FAF1: variants seen among roughly 807,000 people sequenced by gnomAD.
FAF1 encodes Fas associated factor 1, also known as FAS-associated factor 1.
A neutral mutation model predicts 92.5 loss-of-function variants in FAF1; 25 were observed. The ratio of observed to expected loss-of-function variants is 0.27; its 90% confidence interval spans 0.20 to 0.38. FAF1 has a LOEUF of 0.38. Among genes scored for constraint, FAF1 ranks in the 10% least tolerant of loss-of-function variants. FAF1 has a pLI of 1.00. For synonymous variants in FAF1, 234 were observed against 273.2 expected (o/e 0.86, Z 1.42); for missense variants, 636 against 793.3 (o/e 0.80, Z 2.38).
At chr1:50,905,043 C>A (rs563935388) in intron 1 of FAF1, among the ~76,000 whole-genome samples, 3 of 152,132 alleles carry the variant, frequency 2.0e-5, no homozygotes, top group Non-Finnish European at 2.9e-5. Context: ...ACCAGCCCCC[C>A]ACCCCACAAC....
chr1:50,553,192 G>A (rs954990076), intron 13 of FAF1, among the ~76,000 whole-genome samples: 4 of 152,196 alleles, frequency 2.6e-5, no homozygotes, highest in African/African-American at 9.6e-5. Context: ...TTTAAGACCA[G>A]TGATACTTGA....
chr1:50,771,901 C>T (rs965785908), intron 4 of FAF1, among the ~76,000 whole-genome samples: 6 of 151,850 alleles, frequency 4.0e-5, no homozygotes, highest in East Asian at 1.9e-4. Flanking sequence ...AACTCCGTCT[C>T]CAAAAAACAA....
At chr1:50,862,411 T>C (rs546723214) in intron 1 of FAF1, among the ~76,000 whole-genome samples, 1 of 151,944 alleles carries the variant, frequency 6.6e-6, no homozygotes, top group East Asian at 1.9e-4. Context: ...AAAATGATGG[T>C]AACGAGCAAC....
At chr1:50,563,955 A>G (rs1414347154) in intron 13 of FAF1, among the ~76,000 whole-genome samples, 1 of 152,190 alleles carries the variant, frequency 6.6e-6, no homozygotes, top group Middle Eastern at 3.2e-3. Context: ...ATTCTATAGA[A>G]ATGTTTCTTT....
intron 4 of FAF1, among the ~76,000 whole-genome samples, chr1:50,760,623 T>C (rs1660286568): frequency 6.6e-6 from 1 of 152,112 alleles, no homozygotes; most frequent in Non-Finnish European, 1.5e-5. Flanking sequence ...GAAATAAAGA[T>C]GTTGTTTGAA....
chr1:50,855,474 C>T (rs904088573), intron 2 of FAF1, among the ~76,000 whole-genome samples: 1 of 151,654 alleles, frequency 6.6e-6, no homozygotes, highest in South Asian at 2.1e-4. Context: ...CAGACATATC[C>T]GAGGTTACAA....
chr1:50,788,792 G>A (rs1661460841), intron 3 of FAF1, among the ~76,000 whole-genome samples: 2 of 152,064 alleles, frequency 1.3e-5, no homozygotes, highest in South Asian at 2.1e-4. Flanking sequence ...AAAATAGAGG[G>A]GATATCATTT....
chr1:50,509,515 G>C (rs563614969), intron 15 of FAF1, among the ~76,000 whole-genome samples: 2 of 152,292 alleles, frequency 1.3e-5, no homozygotes, highest in African/African-American at 2.4e-5. Flanking sequence ...GGGTGGCTGA[G>C]GTGGGAGGAT....
At chr1:50,578,594 C>T (rs1401555969) in intron 12 of FAF1, among the ~76,000 whole-genome samples, 1 of 152,128 alleles carries the variant, frequency 6.6e-6, no homozygotes, top group Admixed American at 6.6e-5. Context: ...TACTTACTAT[C>T]AGTGTGTTGT....
At chr1:50,637,679 A>ATGTGTGTGTGTG (rs764058700) in intron 8 of FAF1, among the ~76,000 whole-genome samples, 2,651 of 101,610 alleles carry the variant, frequency 0.026, 34 homozygotes, top group East Asian at 0.053. Flanking sequence ...ACACATATAT[A>ATGTGTGTGTGTG]TATGTGTGTG....
intron 2 of FAF1, among the ~76,000 whole-genome samples, chr1:50,830,658 AT>A (rs59396661): frequency 0.041 from 5,939 of 143,698 alleles, 256 homozygotes; most frequent in African/African-American, 0.11. Flanking sequence ...CCAGTGCTCA[AT>A]TTTTTTTTTT....
At chr1:50,652,421 G>A (rs1372356525) in intron 8 of FAF1, among the ~76,000 whole-genome samples, 2 of 152,106 alleles carry the variant, frequency 1.3e-5, no homozygotes, top group African/African-American at 2.4e-5. Context: ...ATATTTCATC[G>A]ACTTTGCCTA....
At chr1:50,808,742 G>C (rs182425354) in intron 2 of FAF1, among the ~76,000 whole-genome samples, 2 of 151,246 alleles carry the variant, frequency 1.3e-5, no homozygotes. Flanking sequence ...GATCTCATTA[G>C]TTTCAAAGAA....
intron 12 of FAF1, among the ~76,000 whole-genome samples, chr1:50,570,631 CT>C (rs1650393463): frequency 6.6e-6 from 1 of 152,130 alleles, no homozygotes; most frequent in African/African-American, 2.4e-5. Flanking sequence ...CCCAAAGTAG[CT>C]TTCAAAAGGA....
At chr1:50,907,896 T>C (rs979205058) in intron 1 of FAF1, among the ~76,000 whole-genome samples, 1 of 152,188 alleles carries the variant, frequency 6.6e-6, no homozygotes, top group African/African-American at 2.4e-5. Context: ...ATCTTAGTTA[T>C]TTCTTGCCTT....
chr1:50,626,557 T>A (rs1426723712), intron 8 of FAF1, among the ~76,000 whole-genome samples: 1 of 152,108 alleles, frequency 6.6e-6, no homozygotes, highest in Non-Finnish European at 1.5e-5. Flanking sequence ...CAATAAAATA[T>A]AAGATAACAC....
chr1:50,623,977 G>A (rs1043445994), intron 8 of FAF1, among the ~76,000 whole-genome samples: 3 of 151,132 alleles, frequency 2.0e-5, no homozygotes, highest in African/African-American at 4.9e-5. Context: ...GAAAGAAGAA[G>A]AGGAAGAAGA....
chr1:50,452,133 TA>T (rs1173934997), intron 18 of FAF1: 30 of 1,349,606 alleles, frequency 2.2e-5, no homozygotes, highest in Non-Finnish European at 2.9e-5. Flanking sequence ...ATAAAGAACA[TA>T]AAATGAATAT....
At chr1:50,907,877 T>G (rs1415817192) in intron 1 of FAF1, among the ~76,000 whole-genome samples, 1 of 152,198 alleles carries the variant, frequency 6.6e-6, no homozygotes, top group African/African-American at 2.4e-5. Flanking sequence ...CTCCTTCAGT[T>G]CTGCTCTGAT....
Sources: gnomAD v4.1 joint callset for allele counts (sites outside exome capture counted in the v4.1 genomes callset) on GRCh38, gnomAD v4.1.1 for gene constraint, MANE v1.5 for transcripts, NCBI Gene and HGNC (gene_info 2026-07-23, HGNC 2026-07-21) for gene names.